Variants in IMMP2L observed in about 807,000 individuals in gnomAD.
IMMP2L encodes the protein inner mitochondrial membrane peptidase subunit 2.
Under a neutral mutation model 19.3 loss-of-function variants are expected in IMMP2L, and 18 were observed. That is an observed-to-expected ratio of 0.93 (90% confidence interval 0.64 to 1.38). The LOEUF is 1.38. Ranked by LOEUF, IMMP2L falls within the 40% of genes most tolerant of loss-of-function variation. The pLI, the probability that IMMP2L is intolerant of heterozygous loss-of-function variation, is 0.00. For synonymous variants in IMMP2L, 76 were observed against 73.0 expected, an observed-to-expected ratio of 1.04 and a Z score of -0.21; for missense variants, 233 against 218.2, an observed-to-expected ratio of 1.07 and a Z score of -0.43.
chr7:111,010,952 G>A (rs201772720), intron 3 of IMMP2L, among the ~76,000 whole-genome samples: 95 of 48,138 alleles, frequency 2.0e-3, no homozygotes, highest in Middle Eastern at 0.013. Flanking sequence ...AAAAAAAAAA[G>A]GTCAAGATAC....
chr7:111,548,618 C>G (rs886531718), intron 1 of IMMP2L, among the ~76,000 whole-genome samples: 7 of 152,090 alleles, frequency 4.6e-5, no homozygotes, highest in Non-Finnish European at 1.0e-4. Context: ...CACCATCAAC[C>G]ATTCTCAAAC....
chr7:111,551,584 A>C (rs770557882), intron 1 of IMMP2L, among the ~76,000 whole-genome samples: 5 of 151,796 alleles, frequency 3.3e-5, no homozygotes, highest in Non-Finnish European at 5.9e-5. Context: ...AGCAACTAAC[A>C]AAGAGTCCAA....
In IMMP2L at chr7:111,155,963, A is replaced by C. The variant is rs6949309; in HGVS notation, c.240-192398T>G. Among the ~76,000 whole-genome samples the C allele has an allele frequency of 9.4e-3, 1,435 of 152,112 alleles. 23 individuals carry two copies. The highest frequency in any genetic ancestry group is 0.032 in the African/African-American group (1,330 of 41,496). On this transcript the variant is annotated intron_variant, in intron 3 of 5. Coordinates refer to ENST00000405709, the MANE Select transcript of IMMP2L (RefSeq NM_032549.4). ...ACTCATAGAGATGAAAATATATAAT[A>C]CATACTATTTTGTGTTTGACTTATT...
intron 3 of IMMP2L, among the ~76,000 whole-genome samples, chr7:111,240,348 C>T (rs1814858559): frequency 6.6e-6 from 1 of 151,912 alleles, no homozygotes; most frequent in Admixed American, 6.6e-5. Flanking sequence ...TACAATCTAA[C>T]CATGGCTTAG....
At chr7:110,857,863 G>C (rs79292342) in intron 5 of IMMP2L, among the ~76,000 whole-genome samples, 1,579 of 152,060 alleles carry the variant, frequency 0.01, 39 homozygotes, top group African/African-American at 0.036. Flanking sequence ...ATTTCTGCTT[G>C]TGTTAAAAAA....
intron 3 of IMMP2L, among the ~76,000 whole-genome samples, chr7:111,301,849 T>C (rs1285835100): frequency 2.1e-5 from 3 of 143,068 alleles, no homozygotes; most frequent in Non-Finnish European, 1.5e-5. Context: ...TTGTCTTGAA[T>C]ACTATAGCTA....
chr7:111,143,801 T>C (rs1231630949), intron 3 of IMMP2L, among the ~76,000 whole-genome samples: 1 of 152,148 alleles, frequency 6.6e-6, no homozygotes, highest in East Asian at 1.9e-4. Context: ...AAATGCATTC[T>C]CATTTTAAAT....
chr7:111,051,174 T>C (rs912652754), intron 3 of IMMP2L, among the ~76,000 whole-genome samples: 1 of 152,186 alleles, frequency 6.6e-6, no homozygotes, highest in African/African-American at 2.4e-5. Context: ...TTTATGGTCT[T>C]AAGTATTTTT....
chr7:110,869,019 C>G (rs1037137110), intron 5 of IMMP2L, among the ~76,000 whole-genome samples: 2 of 151,744 alleles, frequency 1.3e-5, no homozygotes, highest in Admixed American at 1.3e-4. Flanking sequence ...ATATTTTTCT[C>G]TAGAGAATGC....
At chr7:111,545,486 G>A (rs888945203) in intron 1 of IMMP2L, among the ~76,000 whole-genome samples, 4 of 152,078 alleles carry the variant, frequency 2.6e-5, no homozygotes, top group Non-Finnish European at 4.4e-5. Flanking sequence ...TGCCTCCCAG[G>A]TTCAAGCAAT....
At chr7:110,982,541 AG>A (rs762138447) in intron 3 of IMMP2L, among the ~76,000 whole-genome samples, 1 of 152,118 alleles carries the variant, frequency 6.6e-6, no homozygotes, top group Non-Finnish European at 1.5e-5. Context: ...TGATCCCTGG[AG>A]GTGGTCATAC....
intron 3 of IMMP2L, among the ~76,000 whole-genome samples, chr7:111,130,846 T>C (rs1801776892): frequency 6.6e-6 from 1 of 152,012 alleles, no homozygotes; most frequent in Non-Finnish European, 1.5e-5. Flanking sequence ...AACATCTCTT[T>C]AATAATGGTT....
At chr7:111,110,866 T>A (rs996288941) in intron 3 of IMMP2L, among the ~76,000 whole-genome samples, 14 of 152,170 alleles carry the variant, frequency 9.2e-5, no homozygotes, top group Non-Finnish European at 1.8e-4. Context: ...GGATTCCAGA[T>A]CTTAAATCAT....
Position 110,670,640 on chromosome 7 carries a change from A to T in IMMP2L, c.409-6919T>A, listed in dbSNP as rs1479969524. ...AGGAGTCAGAGGTTGCAGTGAGCTG[A>T]GATCATGCCACTGCACTCCAGCCTT... is the stretch of plus-strand genomic sequence containing the variant. On this transcript the variant is annotated intron_variant, in intron 5 of 5. Transcript: ENST00000405709. 2.0e-5 allele frequency among the ~76,000 whole-genome samples: 3 copies of T among 150,836 alleles called. No individual in the cohort carries two copies. The East Asian group carries it at 5.9e-4, about 30-fold the overall frequency.
At chr7:111,264,040 G>A (rs766135984) in intron 3 of IMMP2L, among the ~76,000 whole-genome samples, 7 of 152,168 alleles carry the variant, frequency 4.6e-5, no homozygotes, top group East Asian at 1.9e-4. Context: ...GTGATAGGCT[G>A]CAGATGGACT....
intron 3 of IMMP2L, among the ~76,000 whole-genome samples, chr7:111,340,521 A>G (rs1826904761): frequency 1.3e-5 from 2 of 152,098 alleles, no homozygotes; most frequent in Admixed American, 1.3e-4. Context: ...AGAACATAAT[A>G]GAACCACTTT....
intron 3 of IMMP2L, among the ~76,000 whole-genome samples, chr7:111,011,694 C>T (rs1211081914): frequency 1.3e-5 from 2 of 152,144 alleles, no homozygotes; most frequent in Non-Finnish European, 2.9e-5. Context: ...ACGGCAACAA[C>T]TGACAAGAGT....
chr7:111,382,524 T>TA (rs936996534), intron 3 of IMMP2L, among the ~76,000 whole-genome samples: 74 of 152,020 alleles, frequency 4.9e-4, no homozygotes, highest in African/African-American at 1.5e-3. Context: ...TTAACTATAA[T>TA]AAAAAAATAA....
chr7:110,923,425 C>T (rs1302326272), intron 4 of IMMP2L, among the ~76,000 whole-genome samples: 3 of 152,030 alleles, frequency 2.0e-5, no homozygotes, highest in Non-Finnish European at 4.4e-5. Flanking sequence ...TCATTAATAG[C>T]ATCAAAAACA....
Sources: gnomAD v4.1 joint callset for allele counts (sites outside exome capture counted in the v4.1 genomes callset) on GRCh38, gnomAD v4.1.1 for gene constraint, MANE v1.5 for transcripts, NCBI Gene and HGNC (gene_info 2026-07-23, HGNC 2026-07-21) for gene names.